AKAP7: variants seen among roughly 807,000 people sequenced by gnomAD.
The protein encoded by AKAP7 is A-kinase anchoring protein 7.
In AKAP7, 39 loss-of-function variants were observed where a neutral mutation model predicts 39.5. That is an observed-to-expected ratio of 0.99 (90% CI 0.76 to 1.29). The LOEUF (loss-of-function observed/expected upper bound fraction) is 1.29, where lower values mean the gene tolerates loss of function less well. Ranked by LOEUF, AKAP7 falls within the 50% of genes most tolerant of loss-of-function variation. The pLI is 0.00. For synonymous variants in AKAP7, 140 were observed against 139.1 expected (o/e 1.01, Z -0.05); for missense variants, 414 against 407.7 (o/e 1.02, Z -0.13).
At chr6:131,212,967 A>G (rs1808813054) in intron 6 of AKAP7, among the ~76,000 whole-genome samples, 1 of 152,178 alleles carries the variant, frequency 6.6e-6, no homozygotes, top group Non-Finnish European at 1.5e-5. Flanking sequence ...TTGAGAGTGT[A>G]CAGTCTCTTG....
intron 7 of AKAP7, among the ~76,000 whole-genome samples, chr6:131,236,102 C>G (rs1472829141): frequency 6.6e-6 from 1 of 152,112 alleles, no homozygotes; most frequent in Non-Finnish European, 1.5e-5. Flanking sequence ...AGAAGGGATC[C>G]AGTTTCAGCT....
At chr6:131,148,766 G>C (rs879465644) in intron 2 of AKAP7, among the ~76,000 whole-genome samples, 3 of 152,046 alleles carry the variant, frequency 2.0e-5, no homozygotes, top group Non-Finnish European at 4.4e-5. Context: ...CCCTTAAACC[G>C]TAAGAAAGGT....
chr6:131,247,292 T>TAC (rs1330037243), intron 7 of AKAP7, among the ~76,000 whole-genome samples: 5 of 122,012 alleles, frequency 4.1e-5, no homozygotes, highest in Admixed American at 7.8e-5. Flanking sequence ...TATATATATA[T>TAC]ATATATATAT....
chr6:131,261,724 G>A (rs1813356793), intron 7 of AKAP7, among the ~76,000 whole-genome samples: 1 of 152,154 alleles, frequency 6.6e-6, no homozygotes, highest in Non-Finnish European at 1.5e-5. Flanking sequence ...GCTCATAGCT[G>A]TTCCTTTGTA....
chr6:131,145,747 T>A (rs987859119), intron 2 of AKAP7, among the ~76,000 whole-genome samples: 1 of 152,030 alleles, frequency 6.6e-6, no homozygotes, highest in Non-Finnish European at 1.5e-5. Context: ...AGAGGTGGGG[T>A]CTTGCCATGT....
intron 7 of AKAP7, among the ~76,000 whole-genome samples, chr6:131,263,609 TAAGG>T (rs1052044690): frequency 1.3e-5 from 2 of 152,126 alleles, no homozygotes; most frequent in African/African-American, 4.8e-5. Flanking sequence ...TGAAGTGTCT[TAAGG>T]AAGGGTCACT....
intron 7 of AKAP7, among the ~76,000 whole-genome samples, chr6:131,226,492 ACTT>A (rs1810178296): frequency 6.6e-6 from 1 of 152,246 alleles, no homozygotes; most frequent in Non-Finnish European, 1.5e-5. Context: ...TGAAAACCCT[ACTT>A]CTTTTTGGTG....
intron 7 of AKAP7, among the ~76,000 whole-genome samples, chr6:131,228,114 T>G (rs1810333273): frequency 2.6e-5 from 4 of 152,222 alleles, no homozygotes; most frequent in African/African-American, 7.2e-5. Flanking sequence ...CACATCTGGA[T>G]GTTGCCCAGT....
upstream of AKAP7, among the ~76,000 whole-genome samples, chr6:131,132,462 G>GT (rs1164447996): frequency 6.6e-6 from 1 of 151,958 alleles, no homozygotes; most frequent in African/African-American, 2.4e-5. Context: ...CTCTCCCTCC[G>GT]TATGTTCTGC....
chr6:131,246,273 T>C (rs905430401), intron 7 of AKAP7, among the ~76,000 whole-genome samples: 9 of 152,128 alleles, frequency 5.9e-5, no homozygotes, highest in African/African-American at 2.2e-4. Context: ...ACTTTTTAGT[T>C]TTATTGCTGC....
chr6:131,256,317 T>A (rs1812845962), intron 7 of AKAP7, among the ~76,000 whole-genome samples: 1 of 152,244 alleles, frequency 6.6e-6, no homozygotes, highest in Admixed American at 6.5e-5. Flanking sequence ...AGGAGGCTTA[T>A]GTTTCTAAAA....
At chr6:131,128,101 C>T in the AKAP7 span, among the ~76,000 whole-genome samples, 4 of 152,142 alleles carry the variant, frequency 2.6e-5, no homozygotes, top group Non-Finnish European at 5.9e-5. Flanking sequence ...ATTATATGTA[C>T]ACCAAGCTCC....
intron 7 of AKAP7, among the ~76,000 whole-genome samples, chr6:131,266,904 A>G (rs1462990672): frequency 3.3e-5 from 5 of 152,198 alleles, no homozygotes; most frequent in Non-Finnish European, 7.3e-5. Flanking sequence ...CAGATTGATT[A>G]GTATTCACAA....
intron 7 of AKAP7, chr6:131,250,424 G>A (rs375356097): frequency 2.9e-4 from 428 of 1,463,352 alleles, no homozygotes; most frequent in Non-Finnish European, 3.6e-4. Flanking sequence ...CCCCGGCGGC[G>A]TGTGCATTGG....
intron 5 of AKAP7, chr6:131,184,694 G>A (rs1805643415): frequency 1.3e-6 from 1 of 793,278 alleles, no homozygotes; most frequent in Non-Finnish European, 2.3e-6. Flanking sequence ...TAGTTGTTGG[G>A]CAAGGCAAAT....
At chr6:131,228,705 T>TG (rs1223792768) in intron 7 of AKAP7, among the ~76,000 whole-genome samples, 21 of 152,202 alleles carry the variant, frequency 1.4e-4, no homozygotes, top group African/African-American at 5.1e-4. Flanking sequence ...GGCCCATGGA[T>TG]CCCTGGTGGT....
At chr6:131,198,522 A>G (rs1807183344) in intron 5 of AKAP7, among the ~76,000 whole-genome samples, 1 of 152,092 alleles carries the variant, frequency 6.6e-6, no homozygotes, top group Admixed American at 6.6e-5. Context: ...CCTTGCTTCT[A>G]AGATTTCCTA....
At chr6:131,185,086 G>T in intron 5 of AKAP7, 1 of 684,636 alleles carries the variant, frequency 1.5e-6, no homozygotes, top group Non-Finnish European at 2.8e-6. Flanking sequence ...TCAACTCGGG[G>T]ATCTGGGGTA....
chr6:131,152,113 A>C (rs913856657), intron 2 of AKAP7, among the ~76,000 whole-genome samples: 1 of 152,356 alleles, frequency 6.6e-6, no homozygotes, highest in African/African-American at 2.4e-5. Context: ...ATTACTACAC[A>C]TTAAAATGGC....
Sources: gnomAD v4.1 joint callset for allele counts (sites outside exome capture counted in the v4.1 genomes callset) on GRCh38, gnomAD v4.1.1 for gene constraint, MANE v1.5 for transcripts, NCBI Gene and HGNC (gene_info 2026-07-23, HGNC 2026-07-21) for gene names.